Variants in DLGAP2 observed in about 807,000 individuals in gnomAD.
The protein encoded by DLGAP2 is disks large-associated protein 2.
DLGAP2 carries 26 observed loss-of-function variants against 100.3 expected under a neutral mutation model. The ratio of observed to expected loss-of-function variants is 0.26; its 90% CI spans 0.19 to 0.36. The LOEUF (loss-of-function observed/expected upper bound fraction) is 0.36. DLGAP2 is among the 10% of genes least tolerant of loss of function. The pLI is 1.00. For missense variants in DLGAP2, 1,858 were observed against 1,453.2 expected (o/e 1.28, Z -4.53); for synonymous variants, 886 against 630.1 (o/e 1.41, Z -6.08).
At chr8:1,104,499 C>G (rs944662415) in intron 2 of DLGAP2, among the ~76,000 whole-genome samples, 10 of 152,190 alleles carry the variant, frequency 6.6e-5, no homozygotes, top group African/African-American at 2.4e-4. Flanking sequence ...TGTAAAACCA[C>G]GAGCATCTTC....
At chr8:1,578,749 T>C (rs190423588) in intron 6 of DLGAP2, among the ~76,000 whole-genome samples, 33 of 152,268 alleles carry the variant, frequency 2.2e-4, no homozygotes, top group South Asian at 4.1e-4. Flanking sequence ...TAGTGCAAGA[T>C]AATAGAAGGC....
chr8:1,169,374 T>A (rs2116672528), intron 2 of DLGAP2, among the ~76,000 whole-genome samples: 1 of 152,286 alleles, frequency 6.6e-6, no homozygotes, highest in Non-Finnish European at 1.5e-5. Flanking sequence ...GGCTCTTTCT[T>A]GGTTCCATAT....
chr8:760,546 C>T (rs1209089428), intron 1 of DLGAP2, among the ~76,000 whole-genome samples: 1 of 152,150 alleles, frequency 6.6e-6, no homozygotes, highest in African/African-American at 2.4e-5. Flanking sequence ...AATAATTTTG[C>T]CTAAGAATTT....
intron 2 of DLGAP2, among the ~76,000 whole-genome samples, chr8:1,235,444 C>T (rs1041126739): frequency 1.2e-4 from 18 of 151,916 alleles, no homozygotes; most frequent in Non-Finnish European, 1.8e-4. Context: ...CACATGGCGT[C>T]GTGTCTAGTT....
At chr8:970,079 T>TC (rs1174670888) in intron 2 of DLGAP2, among the ~76,000 whole-genome samples, 1 of 152,212 alleles carries the variant, frequency 6.6e-6, no homozygotes, top group Non-Finnish European at 1.5e-5. Flanking sequence ...TTCATTTTTT[T>TC]CATTTTTATC....
intron 2 of DLGAP2, among the ~76,000 whole-genome samples, chr8:1,097,276 A>C (rs1804409482): frequency 7.6e-6 from 1 of 131,184 alleles, no homozygotes; most frequent in African/African-American, 3.1e-5. Flanking sequence ...CCCTCTGCTC[A>C]GGAGAGTCCA....
In DLGAP2 at chr8:1,267,695, G is replaced by A. The variant is rs530460305; in HGVS notation, c.106+8812G>A. 2.6e-4 allele frequency among the ~76,000 whole-genome samples: 39 copies of A among 152,010 alleles called. 1 individual carries two copies. The highest frequency in any genetic ancestry group is 2.4e-3 in the Admixed American group (37 of 15,258). On this transcript the variant is annotated intron_variant, in intron 3 of 14. Transcript: ENST00000637795. ...ACCATTTCCGTGATGAGACGCCCAC[G>A]TCCTCCGTGTCGCTGGCCCCCTCCG...
intron 6 of DLGAP2, among the ~76,000 whole-genome samples, chr8:1,616,415 T>C (rs919345942): frequency 6.6e-6 from 1 of 151,838 alleles, no homozygotes; most frequent in Non-Finnish European, 1.5e-5. Flanking sequence ...TCTAAGAAGA[T>C]AAATAGAAAA....
chr8:1,213,766 C>A (rs1490468175), intron 2 of DLGAP2, among the ~76,000 whole-genome samples: 1 of 152,182 alleles, frequency 6.6e-6, no homozygotes, highest in East Asian at 1.9e-4. Flanking sequence ...TTTCTGGACA[C>A]CAGCATCCAT....
chr8:1,287,958 GGTT>G (rs1262890475), intron 3 of DLGAP2, among the ~76,000 whole-genome samples: 25,509 of 117,092 alleles, frequency 0.22, 3,778 homozygotes, highest in South Asian at 0.3. Context: ...GTGTGTGTGT[GGTT>G]GTTAGGGGAA....
At chr8:896,483 G>A (rs187484734) in intron 1 of DLGAP2, among the ~76,000 whole-genome samples, 241 of 152,200 alleles carry the variant, frequency 1.6e-3, no homozygotes, top group African/African-American at 5.6e-3. Flanking sequence ...GTACCCATCC[G>A]ACATCTAAAT....
At chr8:1,641,740 T>C (rs1041079711) in intron 8 of DLGAP2, among the ~76,000 whole-genome samples, 1 of 152,134 alleles carries the variant, frequency 6.6e-6, no homozygotes, top group African/African-American at 2.4e-5. Context: ...TTTAACATCT[T>C]ATCACCCAGA....
intron 3 of DLGAP2, among the ~76,000 whole-genome samples, chr8:1,351,347 G>C: frequency 1.6e-5 from 1 of 63,244 alleles, no homozygotes; most frequent in Non-Finnish European, 3.4e-5. Context: ...AGTGTGGAAC[G>C]GCCGTGCGGG....
chr8:1,623,235 A>G (rs1173318989), intron 6 of DLGAP2, among the ~76,000 whole-genome samples: 2 of 152,232 alleles, frequency 1.3e-5, no homozygotes, highest in African/African-American at 4.8e-5. Context: ...ATTTTAAAGC[A>G]TGAATTCCAG....
At chr8:973,265 C>T (rs1199240957) in intron 2 of DLGAP2, among the ~76,000 whole-genome samples, 2 of 147,824 alleles carry the variant, frequency 1.4e-5, no homozygotes, top group Non-Finnish European at 1.5e-5. Context: ...CCCCACCTCC[C>T]TCCCGGACGG....
chr8:1,117,788 T>C (rs1409778481), intron 2 of DLGAP2, among the ~76,000 whole-genome samples: 1 of 152,122 alleles, frequency 6.6e-6, no homozygotes, highest in Non-Finnish European at 1.5e-5. Context: ...CAGAATCACC[T>C]GCGCATTCTT....
rs182249582 is a variant in DLGAP2 at position 852,257 on chromosome 8, C to T, written c.19-55655C>T. On this transcript the variant is annotated intron_variant, in intron 1 of 14. Coordinates refer to ENST00000637795, the MANE Select transcript of DLGAP2 (RefSeq NM_001346810.2). Reference sequence around the variant, plus strand: ...GTGGATGACACAGACTTCCGTGTCCCCTCTCCCTGCACGTGGATCTGGAGG... The same window carrying T: ...GTGGATGACACAGACTTCCGTGTCCTCTCTCCCTGCACGTGGATCTGGAGG... Among the ~76,000 whole-genome samples the T allele has an allele frequency of 1.5e-4, 23 of 152,264 alleles. No individual in the cohort carries two copies. The East Asian group carries it at 4.4e-3, about 29-fold the overall frequency.
At chr8:1,288,724 T>G (rs934297985) in intron 3 of DLGAP2, among the ~76,000 whole-genome samples, 25 of 148,258 alleles carry the variant, frequency 1.7e-4, no homozygotes, top group African/African-American at 5.5e-4. Context: ...ACTTGTTTCG[T>G]TTCAGTGTGT....
intron 3 of DLGAP2, among the ~76,000 whole-genome samples, chr8:1,356,499 C>T (rs984827689): frequency 1.3e-5 from 2 of 152,176 alleles, no homozygotes; most frequent in Admixed American, 6.5e-5. Flanking sequence ...CTGGTTCTGT[C>T]TGTGCTGGTG....
Sources: gnomAD v4.1 joint callset for allele counts (sites outside exome capture counted in the v4.1 genomes callset) on GRCh38, gnomAD v4.1.1 for gene constraint, MANE v1.5 for transcripts, NCBI Gene and HGNC (gene_info 2026-07-23, HGNC 2026-07-21) for gene names.